The following PRIM2 variants were observed in gnomAD, a reference collection of about 807,000 sequenced individuals.
PRIM2 encodes the protein DNA primase subunit 2.
In PRIM2, 39 loss-of-function variants were observed where a neutral mutation model predicts 67.3. That is an observed-to-expected ratio of 0.58 (90% CI 0.45 to 0.76). The LOEUF is 0.76. Among genes scored for constraint, PRIM2 ranks in the 30% least tolerant of loss-of-function variants. The pLI, the probability that PRIM2 is intolerant of heterozygous loss-of-function variation, is 0.00. For synonymous variants in PRIM2, 143 were observed against 198.7 expected, an observed-to-expected ratio of 0.72 and a Z score of 2.36; for missense variants, 398 against 598.7, an observed-to-expected ratio of 0.66 and a Z score of 3.50.
At chr6:57,262,282 G>A in the PRIM2 span, among the ~76,000 whole-genome samples, 3 of 152,088 alleles carry the variant, frequency 2.0e-5, no homozygotes, top group South Asian at 2.1e-4. Context: ...TTAGAAATCC[G>A]TGCCTGACCC....
intron 7 of PRIM2, among the ~76,000 whole-genome samples, chr6:57,474,392 T>A (rs1222853975): frequency 6.6e-6 from 1 of 152,014 alleles, no homozygotes; most frequent in Non-Finnish European, 1.5e-5. Flanking sequence ...GCCAGGATGG[T>A]CTCTATCTCC....
chr6:57,640,950 AAC>A (rs1491536509), intron 13 of PRIM2, among the ~76,000 whole-genome samples: 1 of 151,662 alleles, frequency 6.6e-6, no homozygotes, highest in Non-Finnish European at 1.5e-5. Context: ...ACAAAAAAAA[AAC>A]AACGCTAGAG....
intron 7 of PRIM2, among the ~76,000 whole-genome samples, chr6:57,478,156 C>T (rs1773523147): frequency 6.6e-6 from 1 of 152,084 alleles, no homozygotes; most frequent in African/African-American, 2.4e-5. Flanking sequence ...TGATTAATCC[C>T]CTTATCTGTG....
At chr6:57,409,440 C>CT (rs1771012033) in intron 7 of PRIM2, among the ~76,000 whole-genome samples, 3 of 152,286 alleles carry the variant, frequency 2.0e-5, no homozygotes, top group African/African-American at 7.2e-5. Context: ...TCCCAAAGTG[C>CT]TGGGATTACA....
chr6:57,587,664 C>CAAAAAAAAAAAAAAAAA (rs1157172882), intron 10 of PRIM2, among the ~76,000 whole-genome samples: 1 of 54,236 alleles, frequency 1.8e-5, no homozygotes, highest in Admixed American at 3.5e-4. Flanking sequence ...GACTCTGTCT[C>CAAAAAAAAAAAAAAAAA]AAAAAAAAAA....
the PRIM2 span, among the ~76,000 whole-genome samples, chr6:57,255,975 T>C: frequency 2.0e-5 from 3 of 152,154 alleles, no homozygotes; most frequent in South Asian, 6.2e-4. Flanking sequence ...GCTTAAATGC[T>C]GAGTAAACAA....
the PRIM2 span, among the ~76,000 whole-genome samples, chr6:57,297,160 T>G: frequency 6.6e-6 from 1 of 151,860 alleles, no homozygotes. Context: ...AATAGAAAAA[T>G]ATCGAGTGCA....
intron 10 of PRIM2, among the ~76,000 whole-genome samples, chr6:57,571,180 A>C (rs1305336554): frequency 6.6e-6 from 1 of 152,206 alleles, no homozygotes; most frequent in African/African-American, 2.4e-5. Flanking sequence ...GATTTTGCAT[A>C]AACTTACAAT....
At chr6:57,373,269 A>AAG (rs1769629135) in intron 5 of PRIM2, among the ~76,000 whole-genome samples, 1 of 150,686 alleles carries the variant, frequency 6.6e-6, no homozygotes, top group Non-Finnish European at 1.5e-5. Context: ...TTCTTTTGAG[A>AAG]AGGGTCTGTT....
chr6:57,240,350 C>T, the PRIM2 span, among the ~76,000 whole-genome samples: 1 of 152,250 alleles, frequency 6.6e-6, no homozygotes, highest in African/African-American at 2.4e-5. Flanking sequence ...ATCCTCCTGC[C>T]TCGGCCTCCC....
chr6:57,297,695 G>A, the PRIM2 span, among the ~76,000 whole-genome samples: 1 of 152,196 alleles, frequency 6.6e-6, no homozygotes, highest in African/African-American at 2.4e-5. Flanking sequence ...GTAGTGAGAT[G>A]TTCCAGCACC....
At chr6:57,288,500 TC>T in the PRIM2 span, among the ~76,000 whole-genome samples, 2 of 152,136 alleles carry the variant, frequency 1.3e-5, no homozygotes, top group African/African-American at 4.8e-5. Context: ...CTCAAGTGGG[TC>T]CCTGACCCCC....
At chr6:57,399,758 T>C (rs1253018884) in intron 7 of PRIM2, among the ~76,000 whole-genome samples, 6 of 151,486 alleles carry the variant, frequency 4.0e-5, no homozygotes, top group Non-Finnish European at 7.4e-5. Flanking sequence ...TGGTATCTCA[T>C]TGTGGTTTTG....
At chr6:57,429,143 C>T (rs13200817) in intron 7 of PRIM2, among the ~76,000 whole-genome samples, 4 of 152,170 alleles carry the variant, frequency 2.6e-5, no homozygotes, top group African/African-American at 9.7e-5. Context: ...AACTCTTGTG[C>T]AAGACAGTAA....
At chr6:57,349,966 C>T (rs6901604) in intron 5 of PRIM2, among the ~76,000 whole-genome samples, 1 of 152,108 alleles carries the variant, frequency 6.6e-6, no homozygotes, top group Non-Finnish European at 1.5e-5. Context: ...ATTAGCAAAG[C>T]AGATGAAGGA....
At chr6:57,614,738 T>G (rs1213190408) in intron 12 of PRIM2, among the ~76,000 whole-genome samples, 3 of 152,224 alleles carry the variant, frequency 2.0e-5, no homozygotes, top group African/African-American at 7.2e-5. Context: ...TAGTCCCAGC[T>G]ACTTGGGAGG....
chr6:57,326,106 TA>T lies in PRIM2; in HGVS notation c.459+63del. The T allele has an allele frequency of 2.5e-6, 4 of 1,576,614 alleles. No homozygotes were observed. In the South Asian group the frequency reaches 3.5e-5, roughly 14 times the overall value. On this transcript the variant is annotated intron_variant, in intron 5 of 13. Transcript: ENST00000615550. The stretch of plus-strand genomic sequence containing the variant: ...CACCATTCATTTTTCCCTTCTGTCT[TA>T]AGTGCTGGTACTAATGTGTAGTGTG...
chr6:57,618,197 C>T (rs1344840853), intron 12 of PRIM2, among the ~76,000 whole-genome samples: 2 of 152,076 alleles, frequency 1.3e-5, no homozygotes, highest in East Asian at 3.9e-4. Context: ...TGTTCTTTTT[C>T]AATATTATTT....
At chr6:57,363,709 T>A (rs1769267029) in intron 5 of PRIM2, among the ~76,000 whole-genome samples, 1 of 152,232 alleles carries the variant, frequency 6.6e-6, no homozygotes, top group Non-Finnish European at 1.5e-5. Flanking sequence ...TTTTGTTTGA[T>A]TTAAATATTC....
Sources: gnomAD v4.1 joint callset for allele counts (sites outside exome capture counted in the v4.1 genomes callset) on GRCh38, gnomAD v4.1.1 for gene constraint, MANE v1.5 for transcripts, NCBI Gene and HGNC (gene_info 2026-07-23, HGNC 2026-07-21) for gene names.